The following SPRR2G variants were observed in gnomAD, a reference collection of about 807,000 sequenced individuals.
The protein encoded by SPRR2G is small proline rich protein 2G.
SPRR2G carries 1 observed loss-of-function variant against 0.7 expected under a neutral mutation model. The ratio of observed to expected loss-of-function variants is 1.49; its 90% CI spans 0.53 to 7.06. SPRR2G has a LOEUF of 7.06. Ranked by LOEUF, SPRR2G falls within the 30% of genes most tolerant of loss-of-function variation. The pLI, the probability that SPRR2G is intolerant of heterozygous loss-of-function variation, is 0.14. For missense variants in SPRR2G, 96 were observed against 88.5 expected (o/e 1.09, Z -0.34); for synonymous variants, 38 against 33.9 (o/e 1.12, Z -0.42).
the SPRR2G span, among the ~76,000 whole-genome samples, chr1:153,199,323 C>A: frequency 6.6e-6 from 1 of 152,114 alleles, no homozygotes; most frequent in Non-Finnish European, 1.5e-5. Flanking sequence ...AATGCCTAGG[C>A]GCTACAGGAG....
the SPRR2G span, among the ~76,000 whole-genome samples, chr1:153,169,049 G>T: frequency 5.3e-3 from 801 of 152,230 alleles, 11 homozygotes; most frequent in Middle Eastern, 0.02. Context: ...GGGCCCCAGA[G>T]AAACCTCAAA....
At chr1:153,170,541 C>T in the SPRR2G span, among the ~76,000 whole-genome samples, 4 of 151,852 alleles carry the variant, frequency 2.6e-5, no homozygotes, top group African/African-American at 4.8e-5. Context: ...AAAAGGTAGA[C>T]CTGGGTTTAG....
the SPRR2G span, among the ~76,000 whole-genome samples, chr1:153,161,245 A>G: frequency 5.3e-5 from 6 of 113,986 alleles, 2 homozygotes; most frequent in Admixed American, 5.2e-4. Context: ...AAAAAATAAT[A>G]ACAATAATAG....
the SPRR2G span, among the ~76,000 whole-genome samples, chr1:153,172,370 T>C: frequency 6.6e-6 from 1 of 152,314 alleles, no homozygotes; most frequent in South Asian, 2.1e-4. Context: ...ACTTTTGCTG[T>C]AGCATTACAA....
chr1:153,150,134 G>C lies in SPRR2G; in HGVS notation c.-21-3C>G. The C allele has an allele frequency of 2.5e-6, 4 of 1,611,008 alleles. No homozygotes were observed. Among genetic ancestry groups the C allele is most frequent in the Non-Finnish European group, 2.5e-6 (3 of 1,179,836 alleles). ...ATCTCTCCTCAGTCTCAGAGAATCT[G>C]AAAGATACATACGAAACAGTGCTCA... On this transcript the variant is annotated splice_polypyrimidine_tract_variant and splice_region_variant and intron_variant, in intron 1 of 1. Transcript: ENST00000368748.
the SPRR2G span, among the ~76,000 whole-genome samples, chr1:153,193,369 T>A: frequency 2.6e-5 from 4 of 152,312 alleles, no homozygotes; most frequent in South Asian, 2.1e-4. Context: ...CACTCACTCT[T>A]GCCTAGACTG....
At chr1:153,192,722 AT>A in the SPRR2G span, among the ~76,000 whole-genome samples, 1 of 152,212 alleles carries the variant, frequency 6.6e-6, no homozygotes, top group Non-Finnish European at 1.5e-5. Context: ...AGCTCTTTGC[AT>A]TGTAGGTATG....
In SPRR2G at chr1:153,149,883, G is replaced by A. The variant is rs759816609; in HGVS notation, c.*6C>T. 2 of 1,613,986 alleles carry A rather than the reference G, an allele frequency of 1.2e-6. No individual in the cohort carries two copies. Among genetic ancestry groups the A allele is most frequent in the African/African-American group, 1.3e-5 (1 of 74,912 alleles). On this transcript the variant is annotated 3_prime_UTR_variant, in exon 2 of 2. Transcript: ENST00000368748. ...TGTTTCATGGTCCTGATGAATTCTA[G>A]TGATGTTACTTGCTCTTGGGTGGAT...
At chr1:153,196,881 G>T in the SPRR2G span, among the ~76,000 whole-genome samples, 1 of 152,170 alleles carries the variant, frequency 6.6e-6, no homozygotes, top group South Asian at 2.1e-4. Context: ...TATTGCCCTT[G>T]CTTGTAGCTG....
the SPRR2G span, among the ~76,000 whole-genome samples, chr1:153,187,345 G>A: frequency 2.0e-5 from 3 of 152,060 alleles, no homozygotes; most frequent in Non-Finnish European, 4.4e-5. Context: ...CCAATCAATC[G>A]TATGTTTGCT....
At chr1:153,189,843 G>A in the SPRR2G span, among the ~76,000 whole-genome samples, 1 of 152,108 alleles carries the variant, frequency 6.6e-6, no homozygotes, top group Non-Finnish European at 1.5e-5. Flanking sequence ...TCAAAGAAAG[G>A]ACGATACCAA....
At chr1:153,192,638 A>T in the SPRR2G span, among the ~76,000 whole-genome samples, 1 of 152,168 alleles carries the variant, frequency 6.6e-6, no homozygotes, top group Non-Finnish European at 1.5e-5. Context: ...TCAGACTGAA[A>T]CAAAGAGTAG....
the SPRR2G span, among the ~76,000 whole-genome samples, chr1:153,192,695 G>A: frequency 6.6e-5 from 10 of 152,028 alleles, no homozygotes; most frequent in Non-Finnish European, 2.9e-5. Context: ...TCTTCTCCTG[G>A]GCCTAAATTT....
chr1:153,197,930 C>T, the SPRR2G span, among the ~76,000 whole-genome samples: 4 of 152,198 alleles, frequency 2.6e-5, no homozygotes, highest in Non-Finnish European at 4.4e-5. Context: ...CCAAGACACA[C>T]ACTGGACACT....
chr1:153,162,565 A>G, the SPRR2G span, among the ~76,000 whole-genome samples: 1 of 152,120 alleles, frequency 6.6e-6, no homozygotes, highest in Non-Finnish European at 1.5e-5. Context: ...AATCACAGTT[A>G]AATTAGCCCA....
chr1:153,202,376 T>G, the SPRR2G span, among the ~76,000 whole-genome samples: 1 of 152,194 alleles, frequency 6.6e-6, no homozygotes, highest in East Asian at 1.9e-4. Flanking sequence ...ATGACTGCCT[T>G]AAAGCCAGCA....
the SPRR2G span, among the ~76,000 whole-genome samples, chr1:153,172,071 T>C: frequency 3.9e-5 from 6 of 152,258 alleles, no homozygotes; most frequent in South Asian, 1.0e-3. Flanking sequence ...CAGCTTCAGG[T>C]ATCCAGCATC....
the SPRR2G span, among the ~76,000 whole-genome samples, chr1:153,200,849 G>C: frequency 1.3e-5 from 2 of 151,982 alleles, no homozygotes; most frequent in African/African-American, 4.8e-5. Context: ...TCAGGCATGC[G>C]CCACCACGCC....
the SPRR2G span, chr1:153,190,958 A>G: frequency 6.6e-6 from 1 of 152,322 alleles, no homozygotes; most frequent in African/African-American, 2.4e-5. Context: ...TAAAAAAGTC[A>G]AGAGAGACAA....
Sources: gnomAD v4.1 joint callset for allele counts (sites outside exome capture counted in the v4.1 genomes callset) on GRCh38, gnomAD v4.1.1 for gene constraint, MANE v1.5 for transcripts, NCBI Gene and HGNC (gene_info 2026-07-23, HGNC 2026-07-21) for gene names.